PRKACB: variants seen among roughly 807,000 people sequenced by gnomAD.
The protein encoded by PRKACB is cAMP-dependent protein kinase catalytic subunit beta.
A neutral mutation model predicts 51.4 loss-of-function variants in PRKACB; 16 were observed. The ratio of observed to expected loss-of-function variants is 0.31; its 90% CI spans 0.21 to 0.47. The LOEUF (loss-of-function observed/expected upper bound fraction) is 0.47. Ranked by LOEUF, PRKACB falls within the 20% of genes least tolerant of loss-of-function variation. PRKACB has a pLI of 1.00. For synonymous variants in PRKACB, 147 were observed against 154.4 expected, an observed-to-expected ratio of 0.95 and a Z score of 0.35; for missense variants, 309 against 464.5, an observed-to-expected ratio of 0.67 and a Z score of 3.08.
chr1:84,202,381 AC>A (rs1411828065), intron 7 of PRKACB, among the ~76,000 whole-genome samples: 1 of 152,060 alleles, frequency 6.6e-6, no homozygotes, highest in African/African-American at 2.4e-5. Flanking sequence ...TTGAGCAAGA[AC>A]TAAATTATAC....
At position 84,176,307 on chromosome 1, in the gene PRKACB, A is replaced by C. The variant is rs188717251; in HGVS notation, c.188-2870A>C. 8.6e-5 allele frequency among the ~76,000 whole-genome samples: 13 copies of C among 151,964 alleles called. No individual in the cohort carries two copies. The East Asian group carries it at 2.5e-3, about 30-fold the overall frequency. The stretch of plus-strand genomic sequence containing the variant: ...TTTATTAATTATCTGCCAACACTTT[A>C]TTTCAGTGGATAGAAATTTTTTAAA... On this transcript the variant is annotated intron_variant, in intron 1 of 9. Transcript: ENST00000370685.
intron 1 of PRKACB, among the ~76,000 whole-genome samples, chr1:84,108,531 TATA>T (rs1233605550): frequency 6.6e-6 from 1 of 151,998 alleles, no homozygotes; most frequent in Non-Finnish European, 1.5e-5. Context: ...AAATTGAGAT[TATA>T]ATAATAATAT....
intron 8 of PRKACB, among the ~76,000 whole-genome samples, chr1:84,207,317 T>G (rs1671486874): frequency 6.6e-6 from 1 of 152,156 alleles, no homozygotes; most frequent in Non-Finnish European, 1.5e-5. Context: ...GGGAACAGAT[T>G]AGAGAGCCCA....
chr1:84,130,240 G>A (rs1233063088), intron 1 of PRKACB, among the ~76,000 whole-genome samples: 1 of 143,264 alleles, frequency 7.0e-6, no homozygotes, highest in South Asian at 2.3e-4. Context: ...TCTAATGAGA[G>A]ACCCTGTAAG....
At chr1:84,179,766 G>C (rs1408655164) in intron 2 of PRKACB, among the ~76,000 whole-genome samples, 1 of 151,670 alleles carries the variant, frequency 6.6e-6, no homozygotes, top group Non-Finnish European at 1.5e-5. Context: ...TAATATTTTT[G>C]GAGTTATAAA....
intron 1 of PRKACB, among the ~76,000 whole-genome samples, chr1:84,115,837 G>T (rs1027260339): frequency 7.5e-6 from 1 of 132,994 alleles, no homozygotes; most frequent in African/African-American, 2.8e-5. Context: ...AGCCGAGATC[G>T]TGCCATTGCA....
chr1:84,124,992 A>C (rs766530887), intron 1 of PRKACB, among the ~76,000 whole-genome samples: 16 of 152,158 alleles, frequency 1.1e-4, no homozygotes, highest in Non-Finnish European at 2.4e-4. Context: ...CCATCACCTT[A>C]TTACATTTAA....
At chr1:84,175,764 A>G (rs1292525398) in intron 1 of PRKACB, 2 of 1,552,236 alleles carry the variant, frequency 1.3e-6, no homozygotes, top group South Asian at 1.2e-5. Flanking sequence ...ATGTGGGTGA[A>G]TGTTCCTGCA....
At chr1:84,232,365 T>C (rs1409224287) in intron 9 of PRKACB, among the ~76,000 whole-genome samples, 1 of 152,168 alleles carries the variant, frequency 6.6e-6, no homozygotes, top group Non-Finnish European at 1.5e-5. Flanking sequence ...TTGGAATAGG[T>C]GTGGTGTGGT....
At chr1:84,100,697 G>A (rs1218701928) in intron 1 of PRKACB, among the ~76,000 whole-genome samples, 1 of 152,120 alleles carries the variant, frequency 6.6e-6, no homozygotes, top group Non-Finnish European at 1.5e-5. Context: ...AAGGACCTTA[G>A]AAGATCTATC....
At chr1:84,168,798 ATTCT>A (rs1658395256) in intron 1 of PRKACB, among the ~76,000 whole-genome samples, 2 of 151,606 alleles carry the variant, frequency 1.3e-5, no homozygotes, top group Non-Finnish European at 3.0e-5. Flanking sequence ...CATTACTTTC[ATTCT>A]AAAACAGCTA....
intron 6 of PRKACB, 46 bp from the exon 7 acceptor site, chr1:84,197,683 T>C: frequency 7.7e-7 from 1 of 1,292,654 alleles, no homozygotes; most frequent in Non-Finnish European, 1.1e-6. Context: ...AATACATTTA[T>C]TGTGAGGTAA....
intron 1 of PRKACB, chr1:84,086,161 T>C (rs878997120): frequency 6.3e-7 from 1 of 1,597,264 alleles, no homozygotes; most frequent in South Asian, 1.1e-5. Flanking sequence ...AGAATGGGGA[T>C]GTGGTGGACA....
chr1:84,101,427 G>A (rs1316527153), intron 1 of PRKACB, among the ~76,000 whole-genome samples: 7 of 152,142 alleles, frequency 4.6e-5, no homozygotes, highest in African/African-American at 1.2e-4. Flanking sequence ...CTATACCCTA[G>A]CCAAGTTGAC....
intron 8 of PRKACB, among the ~76,000 whole-genome samples, chr1:84,210,307 C>T (rs1374569323): frequency 6.6e-6 from 1 of 152,048 alleles, no homozygotes; most frequent in African/African-American, 2.4e-5. Context: ...ATCACAAACA[C>T]CTCTTTTATG....
In PRKACB at chr1:84,201,355, A is replaced by G. The variant is rs149941242; in HGVS notation, c.784-1328A>G. On this transcript the variant is annotated intron_variant, in intron 7 of 9. Coordinates refer to ENST00000370685, the MANE Select transcript of PRKACB (RefSeq NM_182948.4). The stretch of plus-strand genomic sequence containing the variant: ...TTATGTGTCTGTAAATTATTAGTTC[A>G]TTTCCTTGGCCCATTTATCTATTGT... 1.2e-4 allele frequency among the ~76,000 whole-genome samples: 18 copies of G among 151,950 alleles called. No homozygotes were observed. In the East Asian group the frequency reaches 3.5e-3, roughly 29 times the overall value.
chr1:84,134,309 T>TTGGGCC (rs1232506763), intron 1 of PRKACB, among the ~76,000 whole-genome samples: 1 of 151,280 alleles, frequency 6.6e-6, no homozygotes, highest in Non-Finnish European at 1.5e-5. Flanking sequence ...TGTTCTCACT[T>TTGGGCC]TGGGCCGTGC....
intron 1 of PRKACB, among the ~76,000 whole-genome samples, chr1:84,091,182 C>T (rs1435252979): frequency 6.6e-6 from 1 of 152,072 alleles, no homozygotes; most frequent in Non-Finnish European, 1.5e-5. Flanking sequence ...TTGGGTAAAA[C>T]CTGAGACGAG....
intron 9 of PRKACB, 60 bp downstream of exon 9, chr1:84,214,377 G>A: frequency 7.1e-7 from 1 of 1,404,748 alleles, no homozygotes; most frequent in Non-Finnish European, 9.5e-7. Flanking sequence ...ATTATATGTG[G>A]TGGAGATATT....
Sources: gnomAD v4.1 joint callset for allele counts (sites outside exome capture counted in the v4.1 genomes callset) on GRCh38, gnomAD v4.1.1 for gene constraint, MANE v1.5 for transcripts, NCBI Gene and HGNC (gene_info 2026-07-23, HGNC 2026-07-21) for gene names.